MCU: variants seen among roughly 807,000 people sequenced by gnomAD.
MCU encodes the protein mitochondrial calcium uniporter, also known as calcium uniporter protein, mitochondrial.
MCU carries 12 observed loss-of-function variants against 45.2 expected under a neutral mutation model. That is an observed-to-expected ratio of 0.27 (90% CI 0.17 to 0.43). The LOEUF (loss-of-function observed/expected upper bound fraction) is 0.43, where lower values mean the gene tolerates loss of function less well. Ranked by LOEUF, MCU falls within the 20% of genes least tolerant of loss-of-function variation. The pLI is 1.00. For synonymous variants in MCU, 160 were observed against 165.1 expected (o/e 0.97, Z 0.24); for missense variants, 324 against 436.7 (o/e 0.74, Z 2.30).
At chr10:72,801,636 T>G (rs558304743) in intron 1 of MCU, among the ~76,000 whole-genome samples, 85 of 151,868 alleles carry the variant, frequency 5.6e-4, no homozygotes, top group African/African-American at 2.0e-3. Flanking sequence ...TGTTTCCTGA[T>G]GAGTCTAGGT....
intron 1 of MCU, among the ~76,000 whole-genome samples, chr10:72,784,068 G>A (rs983320127): frequency 1.3e-5 from 2 of 152,138 alleles, no homozygotes; most frequent in Non-Finnish European, 2.9e-5. Context: ...GGGGAAAGCC[G>A]GGCACCGTTG....
intron 1 of MCU, among the ~76,000 whole-genome samples, chr10:72,803,718 C>T (rs1844376300): frequency 6.6e-6 from 1 of 151,694 alleles, no homozygotes; most frequent in Admixed American, 6.6e-5. Context: ...ATTTTTACCC[C>T]CACTCATTTT....
chr10:72,767,334 G>A (rs1408862239), intron 1 of MCU, among the ~76,000 whole-genome samples: 1 of 152,108 alleles, frequency 6.6e-6, no homozygotes, highest in Non-Finnish European at 1.5e-5. Flanking sequence ...TGAGACACAG[G>A]TATTATAGAG....
At chr10:72,800,439 T>C (rs1293298034) in intron 1 of MCU, among the ~76,000 whole-genome samples, 1 of 152,188 alleles carries the variant, frequency 6.6e-6, no homozygotes, top group Non-Finnish European at 1.5e-5. Flanking sequence ...ATCCAAAGAA[T>C]TTTGAAATCT....
intron 1 of MCU, among the ~76,000 whole-genome samples, chr10:72,699,000 C>T (rs1842723405): frequency 6.6e-6 from 1 of 152,096 alleles, no homozygotes; most frequent in Non-Finnish European, 1.5e-5. Context: ...GATGAAGTCT[C>T]ACTATGTTGC....
At chr10:72,812,009 T>A (rs924932106) in intron 1 of MCU, among the ~76,000 whole-genome samples, 1 of 152,166 alleles carries the variant, frequency 6.6e-6, no homozygotes, top group African/African-American at 2.4e-5. Context: ...TAGATACACT[T>A]GAAAACAGTT....
chr10:72,864,816 A>G (rs191632241), intron 4 of MCU, among the ~76,000 whole-genome samples: 1 of 152,312 alleles, frequency 6.6e-6, no homozygotes, highest in Non-Finnish European at 1.5e-5. Context: ...TTTATCAGCT[A>G]TGCTAATGTG....
At chr10:72,871,853 A>G (rs1845547616) in intron 6 of MCU, among the ~76,000 whole-genome samples, 1 of 152,242 alleles carries the variant, frequency 6.6e-6, no homozygotes, top group East Asian at 1.9e-4. Flanking sequence ...TACTACAGTA[A>G]GGTATAGAAT....
chr10:72,754,418 C>A (rs1221731699), intron 1 of MCU, among the ~76,000 whole-genome samples: 1 of 152,164 alleles, frequency 6.6e-6, no homozygotes, highest in African/African-American at 2.4e-5. Context: ...CAGTATTTTC[C>A]TCCTTCTATT....
At chr10:72,804,048 AT>A in intron 1 of MCU, among the ~76,000 whole-genome samples, 2 of 85,998 alleles carry the variant, frequency 2.3e-5, no homozygotes, top group African/African-American at 9.4e-5. Context: ...ATATATATAT[AT>A]ATATATATAT....
intron 1 of MCU, chr10:72,714,999 G>T (rs917834994): frequency 5.9e-6 from 1 of 169,078 alleles, no homozygotes; most frequent in African/African-American, 2.4e-5. Flanking sequence ...CTTAAACAAG[G>T]TCTTTTCAGA....
At chr10:72,764,848 A>G (rs1021540129) in intron 1 of MCU, among the ~76,000 whole-genome samples, 4 of 152,180 alleles carry the variant, frequency 2.6e-5, no homozygotes, top group East Asian at 1.9e-4. Context: ...GCACAAGTTA[A>G]CTGTAAATAC....
chr10:72,844,563 C>T (rs1182389185), intron 2 of MCU, among the ~76,000 whole-genome samples: 1 of 152,010 alleles, frequency 6.6e-6, no homozygotes, highest in African/African-American at 2.4e-5. Context: ...GAATGCGACT[C>T]TGTCTCAAAA....
chr10:72,698,531 GTC>G (rs774050178), intron 1 of MCU, among the ~76,000 whole-genome samples: 2 of 152,194 alleles, frequency 1.3e-5, no homozygotes, highest in Non-Finnish European at 2.9e-5. Context: ...GCCTCACAGA[GTC>G]TTACTCTGTC....
chr10:72,711,955 G>A (rs780814070), intron 1 of MCU, among the ~76,000 whole-genome samples: 4 of 150,532 alleles, frequency 2.7e-5, no homozygotes, highest in East Asian at 2.0e-4. Context: ...CTCGTGATCC[G>A]CCTGCCTTGG....
intron 2 of MCU, among the ~76,000 whole-genome samples, chr10:72,837,978 T>C (rs1210392085): frequency 6.7e-6 from 1 of 150,094 alleles, no homozygotes; most frequent in African/African-American, 2.4e-5. Context: ...TGCCTCAGCC[T>C]CCCGAGTAGC....
intron 1 of MCU, among the ~76,000 whole-genome samples, chr10:72,805,367 G>A (rs2132790801): frequency 6.6e-6 from 1 of 151,494 alleles, no homozygotes; most frequent in African/African-American, 2.4e-5. Flanking sequence ...TCATGCCTCA[G>A]CCTCCCGTGT....
chr10:72,811,581 A>G (rs1460413439), intron 1 of MCU, among the ~76,000 whole-genome samples: 1 of 152,190 alleles, frequency 6.6e-6, no homozygotes, highest in Non-Finnish European at 1.5e-5. Flanking sequence ...TTTCAATGAC[A>G]TTAGAGTTCC....
intron 1 of MCU, among the ~76,000 whole-genome samples, chr10:72,820,542 C>T (rs2132814724): frequency 6.6e-6 from 1 of 150,832 alleles, no homozygotes; most frequent in Admixed American, 6.6e-5. Flanking sequence ...AACGGAGTCT[C>T]ACTTGTTGCT....
Sources: gnomAD v4.1 joint callset for allele counts (sites outside exome capture counted in the v4.1 genomes callset) on GRCh38, gnomAD v4.1.1 for gene constraint, MANE v1.5 for transcripts, NCBI Gene and HGNC (gene_info 2026-07-23, HGNC 2026-07-21) for gene names.